LRRC45: variants seen among roughly 807,000 people sequenced by gnomAD.
The protein encoded by LRRC45 is leucine-rich repeat-containing protein 45.
Under a neutral mutation model 85.4 loss-of-function variants are expected in LRRC45, and 73 were observed. The ratio of observed to expected loss-of-function variants is 0.85; its 90% confidence interval spans 0.71 to 1.04. LRRC45 has a LOEUF of 1.04. Ranked by LOEUF, LRRC45 falls within the 50% of genes least tolerant of loss-of-function variation. LRRC45 has a pLI of 0.00. For missense variants in LRRC45, 937 were observed against 883.3 expected, an observed-to-expected ratio of 1.06 and a Z score of -0.77; for synonymous variants, 429 against 386.0, an observed-to-expected ratio of 1.11 and a Z score of -1.31.
In LRRC45 at chr17:82,028,465, C is replaced by A. The variant is rs148532776; in HGVS notation, c.1194C>A (p.Thr398=). The A allele has an allele frequency of 3.7e-6, 6 of 1,612,542 alleles. No homozygotes were observed. The highest frequency in any genetic ancestry group is 5.1e-6 in the Non-Finnish European group (6 of 1,179,952). Residue 398 remains threonine, a synonymous_variant, in exon 11 of 17, where the codon ACC becomes ACA. Coordinates refer to ENST00000306688, the MANE Select transcript of LRRC45 (RefSeq NM_144999.4). Reference sequence around the variant, plus strand: ...TGTTCCAGACCAGGCAGGAGATGACCAGCATGTCAGCTGAGCTGAAGATGC... The same window carrying A: ...TGTTCCAGACCAGGCAGGAGATGACAAGCATGTCAGCTGAGCTGAAGATGC... ...EQLFQTRQEM[T]SMSAELKMRA...
At chr17:82,029,995 C>T (rs998252147) in intron 14 of LRRC45, 70 bp from the exon 15 acceptor site, 27 of 1,451,790 alleles carry the variant, frequency 1.9e-5, no homozygotes, top group East Asian at 2.5e-5. Context: ...GGGTCGTGCC[C>T]GTGCAGACAT....
At chr17:82,029,389 C>T (rs911234320) in intron 13 of LRRC45, among the ~76,000 whole-genome samples, 154 bp from the exon 14 acceptor site, 2 of 152,266 alleles carry the variant, frequency 1.3e-5, no homozygotes, top group Admixed American at 6.5e-5. Context: ...CCTTAGGAAC[C>T]TTGCCCAGCG....
rs1320009926 is a variant in LRRC45, at chr17:82,030,415, G to A, written c.1765G>A (p.Ala589Thr). ...CGGCCGGCTGCAGGCGGAGCTGGCG[G>A]CTCAGGAGGCGCTGAGGGAGAAGGC... ...QNGRLQAELA[A>T]QEALREKAAA... is the part of the protein sequence containing the mutation. The change falls in exon 16 of 17, where the codon GCT becomes ACT. Residue 589 changes from alanine (A) to threonine (T), a missense_variant. Transcript: ENST00000306688. The A allele has an allele frequency of 6.5e-7, 1 of 1,549,366 alleles. No homozygotes were observed. The highest frequency in any genetic ancestry group is 1.2e-5 in the South Asian group (1 of 84,052).
rs1199943700 is a variant in LRRC45, at chr17:82,027,725, C to G, written c.885C>G (p.His295Gln). The G allele has an allele frequency of 6.2e-7, 1 of 1,611,104 alleles. No individual in the cohort carries two copies. Among genetic ancestry groups the G allele is most frequent in the African/African-American group, 1.3e-5 (1 of 74,920 alleles). ...TTCAGGAAGCCCTGAATGAGAGGCA[C>G]TCCATCATCAACGCTCTCAAGGCCA... ...GQLQEALNER[H>Q]SIINALKAKL... is the part of the protein sequence containing the mutation. Residue 295 changes from histidine to glutamine, a missense_variant, in exon 8 of 17, where the codon CAC becomes CAG. Physicochemically the swap from His to Gln is conservative, Grantham distance 24 (BLOSUM62 0). Coordinates refer to ENST00000306688, the MANE Select transcript of LRRC45 (RefSeq NM_144999.4).
chr17:82,030,522 A>G, intron 16 of LRRC45, 56 bp downstream of exon 16: 1 of 1,520,462 alleles, frequency 6.6e-7, no homozygotes, highest in East Asian at 2.5e-5. Context: ...GGCCAGCCAG[A>G]GAGCGGGGCT....
At chr17:82,027,638 T>C (rs1415206483) in intron 7 of LRRC45, 36 bp from the exon 8 acceptor site, 1 of 1,600,292 alleles carries the variant, frequency 6.2e-7, no homozygotes, top group Non-Finnish European at 8.5e-7. Flanking sequence ...GCTCTGGGGT[T>C]TGGGTTACTC....
rs753845516 is a variant in LRRC45 at position 82,029,145 on chromosome 17, G to C, written c.1361G>C (p.Arg454Pro). The change falls in exon 13 of 17, where the codon CGG becomes CCG. Residue 454 changes from arginine to proline, a missense_variant. By Grantham distance (103) the Arg-to-Pro change is moderately radical. Transcript: ENST00000306688. ...GAGAGTGAGAAGGCCATGCAGGAGC[G>C]GGTGCAGAGGCTGGAGGCGGCGCGG... is the stretch of plus-strand genomic sequence containing the variant. ...LEESEKAMQE[R>P]VQRLEAARLS... 5 of 1,612,558 alleles carry C rather than the reference G, an allele frequency of 3.1e-6. No individual in the cohort carries two copies. The Admixed American group carries it at 8.3e-5, about 27-fold the overall frequency.
chr17:82,027,698 G>A lies in LRRC45; in HGVS notation c.858G>A (p.Gln286=). ...SSRASAARVG[Q]LQEALNERHS... ...GGGCGTCGGCAGCCCGTGTAGGGCA[G>A]CTTCAGGAAGCCCTGAATGAGAGGC... The change falls in exon 8 of 17, where the codon CAG becomes CAA. Residue 286 remains glutamine, a synonymous_variant. Transcript: ENST00000306688. The A allele has an allele frequency of 6.2e-7, 1 of 1,610,946 alleles. No homozygotes were observed. Among genetic ancestry groups the A allele is most frequent in the Non-Finnish European group, 8.5e-7 (1 of 1,179,186 alleles).
chr17:82,030,443 C>T lies in LRRC45; in HGVS notation c.1793C>T (p.Ala598Val). Reference sequence around the variant, plus strand: ...CAGGAGGCGCTGAGGGAGAAGGCGGCGGCCCTGGAGCGCCAGCTGAAAGGT... The same window carrying T: ...CAGGAGGCGCTGAGGGAGAAGGCGGTGGCCCTGGAGCGCCAGCTGAAAGGT... Reference protein sequence around the residue: ...AAQEALREKAAALERQLKVMA... With the variant: ...AAQEALREKAVALERQLKVMA... The change falls in exon 16 of 17, where the codon GCG (alanine) becomes GTG (valine). Residue 598 changes from alanine to valine, a missense_variant. Transcript: ENST00000306688. 1 of 1,546,980 alleles carries T rather than the reference C, an allele frequency of 6.5e-7. No homozygotes were observed. The highest frequency in any genetic ancestry group is 8.7e-7 in the Non-Finnish European group (1 of 1,147,082).
chr17:82,029,972 C>T, intron 14 of LRRC45, 93 bp from the exon 15 acceptor site: 1 of 1,403,698 alleles, frequency 7.1e-7, no homozygotes, highest in Non-Finnish European at 9.4e-7. Flanking sequence ...GCAGCCAGTC[C>T]TGCAGAGAGG....
intron 1 of LRRC45, 58 bp downstream of exon 1, chr17:82,023,921 C>A: frequency 6.8e-7 from 1 of 1,468,474 alleles, no homozygotes. Flanking sequence ...ACCATTGCCT[C>A]GGCAGCCCGA....
chr17:82,025,843 G>A (rs1247359644), intron 5 of LRRC45, among the ~76,000 whole-genome samples: 3 of 152,146 alleles, frequency 2.0e-5, no homozygotes, highest in Admixed American at 6.5e-5. Flanking sequence ...CCAGGTCTTG[G>A]CCTTGGCCAG....
Position 82,028,050 on chromosome 17 carries a change from G to A in LRRC45, c.951G>A (p.Gln317=), listed in dbSNP as rs1370160116. ...AGGCCGCCCTGGCTCTGTCGGAGCA[G>A]AAGGCCCAGGACCTGGGGGAGCTCC... is the stretch of plus-strand genomic sequence containing the variant. The part of the protein sequence containing the change: ...MTEAALALSE[Q]KAQDLGELLA... Residue 317 remains glutamine (Q), a synonymous_variant, in exon 9 of 17, where the codon CAG becomes CAA. Transcript: ENST00000306688. The A allele has an allele frequency of 1.2e-6, 2 of 1,605,662 alleles. No homozygotes were observed. The highest frequency in any genetic ancestry group is 1.7e-5 in the Admixed American group (1 of 59,312).
At chr17:82,024,595 C>A in intron 2 of LRRC45, 98 bp from the exon 3 acceptor site, 1 of 1,384,254 alleles carries the variant, frequency 7.2e-7, no homozygotes, top group South Asian at 1.4e-5. Context: ...GGGTGCACCC[C>A]AGGCTTGTCC....
chr17:82,023,907 C>T, intron 1 of LRRC45, 44 bp downstream of exon 1: 6 of 1,505,036 alleles, frequency 4.0e-6, no homozygotes, highest in Non-Finnish European at 5.4e-6. Flanking sequence ...CCTTAGCTGC[C>T]CACACCATTG....
In LRRC45 at chr17:82,030,356, T is replaced by G; in HGVS notation, c.1706T>G (p.Val569Gly). ...SLKDQERVAE[V>G]SRVRVELQEQ... ...AAGGACCAGGAAAGGGTGGCCGAGG[T>G]GAGCAGGGTGCGCGTGGAGCTGCAG... Residue 569 changes from valine (V) to glycine (G), a missense_variant, in exon 16 of 17, where the codon GTG (valine) becomes GGG (glycine). Physicochemically the swap from Val to Gly is moderately radical, Grantham distance 109. Coordinates refer to ENST00000306688, the MANE Select transcript of LRRC45 (RefSeq NM_144999.4). 6.5e-7 allele frequency: 1 copy of G among 1,549,714 alleles called. No homozygotes were observed. Among genetic ancestry groups the G allele is most frequent in the Non-Finnish European group, 8.7e-7 (1 of 1,146,758 alleles).
Position 82,031,058 on chromosome 17 carries a change from G to A in LRRC45, c.*253G>A, listed in dbSNP as rs2043417487. On this transcript the variant is annotated 3_prime_UTR_variant, in exon 17 of 17. Coordinates refer to ENST00000306688, the MANE Select transcript of LRRC45 (RefSeq NM_144999.4). ...CACCGGGAAGGGGTCCCGCGGGCGC[G>A]TCTCCCCCTCGCCTTTTGCGATGTC... 1 of 387,448 alleles carries A rather than the reference G, an allele frequency of 2.6e-6. No homozygotes were observed. The highest frequency in any genetic ancestry group is 4.6e-6 in the Non-Finnish European group (1 of 219,136). 24.0% of individuals were successfully genotyped at this position (387,448 alleles called of 1,614,324 possible).
Position 82,027,380 on chromosome 17 carries a change from C to A in LRRC45, c.775-6C>A, listed in dbSNP as rs374147141. 5 of 1,612,438 alleles carry A rather than the reference C, an allele frequency of 3.1e-6. No individual in the cohort carries two copies. The highest frequency in any genetic ancestry group is 4.2e-6 in the Non-Finnish European group (5 of 1,179,940). ...CTGACAGGGCTGCGGCTGTCTCTGT[C>A]CCCAGTTCCTCGACTTGATGGAGAC... On this transcript the variant is annotated splice_polypyrimidine_tract_variant and splice_region_variant and intron_variant, in intron 6 of 16. Coordinates refer to ENST00000306688, the MANE Select transcript of LRRC45 (RefSeq NM_144999.4).
rs1365311968 is a variant in LRRC45 at position 82,025,484 on chromosome 17, C to T, written c.638C>T (p.Pro213Leu). Reference sequence around the variant, plus strand: ...CTGGACCTGGCTGGGAACAACATCCCTGGAGACGTCCTCAGAGCCGTGGGT... The same window carrying T: ...CTGGACCTGGCTGGGAACAACATCCTTGGAGACGTCCTCAGAGCCGTGGGT... ...WRLDLAGNNIPGDVLRAVEQA... is the reference protein window; with the variant it reads ...WRLDLAGNNILGDVLRAVEQA... Residue 213 changes from proline to leucine, a missense_variant, in exon 5 of 17, where the codon CCT becomes CTT. Transcript: ENST00000306688. 6.2e-7 allele frequency: 1 copy of T among 1,607,960 alleles called. No homozygotes were observed. The highest frequency in any genetic ancestry group is 8.5e-7 in the Non-Finnish European group (1 of 1,177,126).
Sources: gnomAD v4.1 joint callset for allele counts (sites outside exome capture counted in the v4.1 genomes callset) on GRCh38, gnomAD v4.1.1 for gene constraint, MANE v1.5 for transcripts, NCBI Gene and HGNC (gene_info 2026-07-23, HGNC 2026-07-21) for gene names.